ASTN1: variants seen among roughly 807,000 people sequenced by gnomAD.
ASTN1 encodes the protein astrotactin 1.
A neutral mutation model predicts 140.7 loss-of-function variants in ASTN1; 41 were observed. That is an observed-to-expected ratio of 0.29 (90% CI 0.23 to 0.38). The LOEUF (loss-of-function observed/expected upper bound fraction) is 0.38, where lower values mean the gene tolerates loss of function less well. ASTN1 is among the 10% of genes least tolerant of loss of function. The probability of loss-of-function intolerance (pLI) is 1.00; values close to 1 mark genes in which losing one functional copy is unlikely to be tolerated. For missense variants in ASTN1, 1,479 were observed against 1,678.8 expected, an observed-to-expected ratio of 0.88 and a Z score of 2.08; for synonymous variants, 640 against 652.2, an observed-to-expected ratio of 0.98 and a Z score of 0.29.
chr1:177,082,658 C>T (rs1679236647), intron 1 of ASTN1, among the ~76,000 whole-genome samples: 1 of 152,114 alleles, frequency 6.6e-6, no homozygotes, highest in South Asian at 2.1e-4. Context: ...GATTTCCCTC[C>T]CACTCCTCAG....
chr1:177,085,686 T>C (rs986507566), intron 1 of ASTN1, among the ~76,000 whole-genome samples: 3 of 152,158 alleles, frequency 2.0e-5, no homozygotes, highest in African/African-American at 7.2e-5. Flanking sequence ...AGGGTTGTTG[T>C]CAGTTGGCCA....
At chr1:177,140,250 A>C (rs1682401354) in intron 1 of ASTN1, among the ~76,000 whole-genome samples, 1 of 152,178 alleles carries the variant, frequency 6.6e-6, no homozygotes, top group Non-Finnish European at 1.5e-5. Context: ...CCATGGTTGA[A>C]AAGACATTAT....
chr1:177,090,212 G>T (rs1035924990), intron 1 of ASTN1, among the ~76,000 whole-genome samples: 11 of 150,926 alleles, frequency 7.3e-5, no homozygotes, highest in Admixed American at 5.3e-4. Context: ...TCACAGACCA[G>T]CAATCAGTTA....
intron 1 of ASTN1, among the ~76,000 whole-genome samples, chr1:177,069,210 A>G (rs1371476735): frequency 1.3e-5 from 2 of 152,118 alleles, no homozygotes; most frequent in African/African-American, 2.4e-5. Flanking sequence ...GATCACCCAC[A>G]TATAGATGCT....
chr1:177,130,696 C>T (rs1012014407), intron 1 of ASTN1, among the ~76,000 whole-genome samples: 1 of 152,164 alleles, frequency 6.6e-6, no homozygotes, highest in Non-Finnish European at 1.5e-5. Flanking sequence ...TCATCAGGGA[C>T]TCCAGCTTGT....
At chr1:176,940,407 C>G (rs1281051653) in intron 14 of ASTN1, among the ~76,000 whole-genome samples, 1 of 152,112 alleles carries the variant, frequency 6.6e-6, no homozygotes, top group African/African-American at 2.4e-5. Flanking sequence ...TGACAACTTC[C>G]CTATTTTTTT....
chr1:177,112,788 G>A (rs771895708), intron 1 of ASTN1, among the ~76,000 whole-genome samples: 6 of 152,092 alleles, frequency 3.9e-5, no homozygotes, highest in Non-Finnish European at 8.8e-5. Context: ...ACAGTCCCTG[G>A]TAGCCCAGAA....
chr1:177,144,511 C>A, intron 1 of ASTN1, among the ~76,000 whole-genome samples: 1 of 149,340 alleles, frequency 6.7e-6, no homozygotes. Flanking sequence ...CTCGGCCTCC[C>A]AAAGTGCTGG....
chr1:177,031,429 T>C (rs73045484), intron 3 of ASTN1, among the ~76,000 whole-genome samples: 3,248 of 152,286 alleles, frequency 0.021, 123 homozygotes, highest in African/African-American at 0.073. Flanking sequence ...CCTAAAGGCA[T>C]TTGAGTTGAT....
chr1:177,059,541 G>A lies in ASTN1; in HGVS notation c.471+1537C>T, dbSNP rs1677978715. 2.0e-5 allele frequency among the ~76,000 whole-genome samples: 3 copies of A among 152,122 alleles called. No homozygotes were observed. The South Asian group carries it at 6.2e-4, about 32-fold the overall frequency. On this transcript the variant is annotated intron_variant, in intron 2 of 22. Coordinates refer to ENST00000361833, the MANE Select transcript of ASTN1 (RefSeq NM_004319.3). ...ACATCTGACCTTATGTGGATATTAAGGCTTAACATTTGCAATTCAGGAACT... is the reference window on the plus strand; with the variant it reads ...ACATCTGACCTTATGTGGATATTAAAGCTTAACATTTGCAATTCAGGAACT...
chr1:176,887,536 A>AAG (rs1317691958), intron 18 of ASTN1, among the ~76,000 whole-genome samples: 1 of 152,180 alleles, frequency 6.6e-6, no homozygotes, highest in East Asian at 1.9e-4. Context: ...CCTCTTAACC[A>AAG]ATTCTGCTTC....
At chr1:177,062,197 C>T (rs1203119863) in intron 1 of ASTN1, among the ~76,000 whole-genome samples, 1 of 152,014 alleles carries the variant, frequency 6.6e-6, no homozygotes, top group Non-Finnish European at 1.5e-5. Flanking sequence ...TAGTATTCTG[C>T]TGAACATGTG....
rs1270822592 is a variant in ASTN1 at position 176,970,583 on chromosome 1, GTAGGTAGA to G, written c.1524-5354_1524-5347del. On this transcript the variant is annotated intron_variant, in intron 8 of 22. Transcript: ENST00000361833. ...GGTAGGTAGGTAGGTAGGTAGGTAG[GTAGGTAGA>G]TAGATAGATAGATAGACAGACAGAC... Among the ~76,000 whole-genome samples, 307 of 151,974 alleles carry G rather than the reference GTAGGTAGA, an allele frequency of 2.0e-3. 4 individuals carry two copies. Among genetic ancestry groups the G allele is most frequent in the African/African-American group, 6.8e-3 (283 of 41,442 alleles).
At chr1:177,042,713 G>A (rs901271900) in intron 2 of ASTN1, among the ~76,000 whole-genome samples, 4 of 152,180 alleles carry the variant, frequency 2.6e-5, no homozygotes, top group African/African-American at 9.7e-5. Context: ...ACTTATCCAA[G>A]TTTACATAGT....
chr1:177,032,998 C>T (rs1676526440), intron 2 of ASTN1, 149 bp from the exon 3 acceptor site: 1 of 1,052,498 alleles, frequency 9.5e-7, no homozygotes, highest in Non-Finnish European at 1.3e-6. Flanking sequence ...CATCATTCAG[C>T]AGCAAAGGGA....
intron 8 of ASTN1, among the ~76,000 whole-genome samples, chr1:177,011,710 T>C (rs1675302771): frequency 1.3e-5 from 2 of 150,710 alleles, no homozygotes; most frequent in South Asian, 4.2e-4. Context: ...CACACATGCA[T>C]ACACACATGC....
In ASTN1 at chr1:177,164,532, G is replaced by T; in HGVS notation, c.145C>A (p.Arg49Ser). 3 of 1,613,922 alleles carry T rather than the reference G, an allele frequency of 1.9e-6. No homozygotes were observed. Among genetic ancestry groups the T allele is most frequent in the Non-Finnish European group, 2.5e-6 (3 of 1,179,942 alleles). ...TGCATGATGCTCAGGTCGTTCTCGC[G>T]CAGGAAGGGCAGTGCCGACACCGTG... ...SITVSALPFL[R>S]ENDLSIMHSP... The change falls in exon 1 of 23, where the codon CGC becomes AGC. Residue 49 changes from arginine (R) to serine (S), a missense_variant. By Grantham distance (110) the Arg-to-Ser change is moderately radical. This residue lies in a region of ASTN1 where 729 missense variants were observed against 860.4 expected (regional missense o/e 0.85). Transcript: ENST00000361833.
intron 1 of ASTN1, among the ~76,000 whole-genome samples, chr1:177,064,802 A>G (rs1465962606): frequency 6.6e-6 from 1 of 152,230 alleles, no homozygotes; most frequent in Non-Finnish European, 1.5e-5. Context: ...TTTTCCTGGC[A>G]GATCTGGCAC....
chr1:177,074,724 T>C (rs1220561874), intron 1 of ASTN1, among the ~76,000 whole-genome samples: 2 of 152,202 alleles, frequency 1.3e-5, no homozygotes, highest in African/African-American at 4.8e-5. Context: ...ATGATGCACG[T>C]ATGTGTTTTA....
Sources: gnomAD v4.1 joint callset for allele counts (sites outside exome capture counted in the v4.1 genomes callset) on GRCh38, gnomAD v4.1.1 for gene constraint, gnomAD v4.1.1 regional missense constraint, MANE v1.5 for transcripts, NCBI Gene and HGNC (gene_info 2026-07-23, HGNC 2026-07-21) for gene names.